ADAMTSL1: variants seen among roughly 807,000 people sequenced by gnomAD.
The protein encoded by ADAMTSL1 is ADAMTS-like protein 1.
In ADAMTSL1, 126 loss-of-function variants were observed where a neutral mutation model predicts 201.8. That is an observed-to-expected ratio of 0.62 (90% CI 0.54 to 0.72). The LOEUF is 0.72. ADAMTSL1 is among the 30% of genes least tolerant of loss of function. ADAMTSL1 has a pLI of 0.00. For missense variants in ADAMTSL1, 2,679 were observed against 2,277.8 expected (o/e 1.18, Z -3.59); for synonymous variants, 1,121 against 903.4 (o/e 1.24, Z -4.32).
chr9:17,962,777 C>T (rs1817806961), intron 1 of ADAMTSL1, among the ~76,000 whole-genome samples: 1 of 152,206 alleles, frequency 6.6e-6, no homozygotes, highest in Admixed American at 6.6e-5. Context: ...CATCTGTTTT[C>T]CTGAATATGT....
At chr9:18,873,179 C>T (rs186602951) in intron 23 of ADAMTSL1, among the ~76,000 whole-genome samples, 53 of 151,392 alleles carry the variant, frequency 3.5e-4, no homozygotes, top group South Asian at 1.9e-3. Flanking sequence ...ATTTGCATTC[C>T]TTATAGATTC....
intron 2 of ADAMTSL1, among the ~76,000 whole-genome samples, chr9:18,510,809 AT>A (rs1817979695): frequency 6.6e-6 from 1 of 151,978 alleles, no homozygotes; most frequent in Non-Finnish European, 1.5e-5. Flanking sequence ...ATGGACATTT[AT>A]TTTATTTCAA....
At chr9:18,199,422 A>G (rs915707462) in intron 2 of ADAMTSL1, among the ~76,000 whole-genome samples, 2 of 152,052 alleles carry the variant, frequency 1.3e-5, no homozygotes, top group Non-Finnish European at 2.9e-5. Context: ...TGATCACTAA[A>G]TGGAGCAATG....
intron 1 of ADAMTSL1, among the ~76,000 whole-genome samples, chr9:18,080,069 G>A (rs1823423609): frequency 6.6e-6 from 1 of 152,228 alleles, no homozygotes; most frequent in Non-Finnish European, 1.5e-5. Context: ...CCATAGGAGA[G>A]CCTGGCAGAG....
At chr9:18,411,388 TG>T (rs1186165662) in intron 2 of ADAMTSL1, among the ~76,000 whole-genome samples, 2 of 150,886 alleles carry the variant, frequency 1.3e-5, no homozygotes, top group African/African-American at 4.9e-5. Flanking sequence ...TTATAGAGAC[TG>T]GGTTTCACCA....
intron 2 of ADAMTSL1, among the ~76,000 whole-genome samples, chr9:18,399,318 T>C (rs12684109): frequency 0.011 from 1,062 of 100,708 alleles, 67 homozygotes; most frequent in East Asian, 0.023. Context: ...TATATATATA[T>C]ATATATATAT....
chr9:17,921,549 T>C (rs2131293736), intron 1 of ADAMTSL1, among the ~76,000 whole-genome samples: 1 of 152,326 alleles, frequency 6.6e-6, no homozygotes, highest in South Asian at 2.1e-4. Context: ...GCACTATTTA[T>C]TCTCTTTAAT....
At chr9:18,522,022 G>A (rs1294911034) in intron 2 of ADAMTSL1, among the ~76,000 whole-genome samples, 4 of 152,180 alleles carry the variant, frequency 2.6e-5, no homozygotes, top group African/African-American at 7.2e-5. Context: ...CATCTGAGAA[G>A]AGCTTTACAC....
At chr9:18,256,311 C>T (rs72684971) in intron 2 of ADAMTSL1, among the ~76,000 whole-genome samples, 11,607 of 152,120 alleles carry the variant, frequency 0.076, 529 homozygotes, top group African/African-American at 0.12. Flanking sequence ...AGATGGAAGA[C>T]GCTAGGCAGG....
At chr9:18,741,535 A>G in intron 15 of ADAMTSL1, among the ~76,000 whole-genome samples, 1 of 152,238 alleles carries the variant, frequency 6.6e-6, no homozygotes, top group Non-Finnish European at 1.5e-5. Flanking sequence ...ATGGATTAAA[A>G]ACTACTCAAA....
intron 26 of ADAMTSL1, among the ~76,000 whole-genome samples, chr9:18,894,314 C>G (rs965894910): frequency 6.6e-6 from 1 of 150,554 alleles, no homozygotes; most frequent in Non-Finnish European, 1.5e-5. Flanking sequence ...ACTTTCACTA[C>G]TCCAGCCTGG....
intron 1 of ADAMTSL1, among the ~76,000 whole-genome samples, chr9:18,001,951 A>C (rs1000514736): frequency 6.6e-6 from 1 of 151,866 alleles, no homozygotes; most frequent in Non-Finnish European, 1.5e-5. Flanking sequence ...GTTGATAGGA[A>C]ATGGAGACTT....
chr9:18,051,039 C>A (rs569412498), intron 1 of ADAMTSL1, among the ~76,000 whole-genome samples: 1 of 152,184 alleles, frequency 6.6e-6, no homozygotes, highest in Non-Finnish European at 1.5e-5. Context: ...CAGTGGCTCA[C>A]GCCTGTAATC....
chr9:18,561,584 G>C (rs568068518), intron 3 of ADAMTSL1, among the ~76,000 whole-genome samples: 33 of 152,260 alleles, frequency 2.2e-4, no homozygotes, highest in South Asian at 6.2e-4. Context: ...GAACATCCTT[G>C]TTAATTTTCT....
chr9:18,272,648 T>C (rs1440982585), intron 2 of ADAMTSL1, among the ~76,000 whole-genome samples: 7 of 152,218 alleles, frequency 4.6e-5, no homozygotes, highest in Non-Finnish European at 1.0e-4. Context: ...GTAGGATTTC[T>C]AAGAGAAGGC....
chr9:18,004,870 G>A (rs1011237582), intron 1 of ADAMTSL1, among the ~76,000 whole-genome samples: 3 of 152,194 alleles, frequency 2.0e-5, no homozygotes, highest in African/African-American at 4.8e-5. Context: ...GCCAAAAAGT[G>A]AAGACGTACC....
At chr9:18,498,810 A>G (rs558970849) in intron 1 of ADAMTSL1, among the ~76,000 whole-genome samples, 3 of 152,350 alleles carry the variant, frequency 2.0e-5, no homozygotes, top group Non-Finnish European at 2.9e-5. Flanking sequence ...TTGTAAAATA[A>G]GGAAAAAAAA....
At chr9:18,796,700 G>A (rs951665482) in intron 20 of ADAMTSL1, 6 of 152,130 alleles carry the variant, frequency 3.9e-5, no homozygotes, top group East Asian at 3.9e-4. Context: ...GCCCTGGGCC[G>A]GATTAAAGAC....
rs375659833 is a variant in ADAMTSL1, at chr9:17,964,192, G to T, written c.87+57270G>T. Among the ~76,000 whole-genome samples, 16 of 152,148 alleles carry T rather than the reference G, an allele frequency of 1.1e-4. No individual in the cohort carries two copies. In the South Asian group the frequency reaches 2.1e-3, roughly 20 times the overall value. ...TCTGGGTAGTAAAAATATTTCCTTG[G>T]TCACTTGATGGAACACCATGTGCTC... On this transcript the variant is annotated intron_variant, in intron 1 of 29. Coordinates refer to the ADAMTSL1 transcript ENST00000680146.
Sources: allele counts gnomAD v4.1 joint callset (sites outside exome capture counted in the v4.1 genomes callset), GRCh38; gene constraint gnomAD v4.1.1; transcripts MANE v1.5; gene names NCBI Gene and HGNC (gene_info 2026-07-23, HGNC 2026-07-21).